Variants in PIBF1 observed in about 807,000 individuals in gnomAD.
The protein encoded by PIBF1 is progesterone immunomodulatory binding factor 1.
Under a neutral mutation model 112.5 loss-of-function variants are expected in PIBF1, and 90 were observed. That is an observed-to-expected ratio of 0.80 (90% confidence interval 0.67 to 0.95). PIBF1 has a LOEUF of 0.95. PIBF1 is among the 40% of genes least tolerant of loss of function. The pLI is 0.00. For synonymous variants in PIBF1, 301 were observed against 288.6 expected (o/e 1.04, Z -0.44); for missense variants, 915 against 852.3 (o/e 1.07, Z -0.92).
intron 14 of PIBF1, among the ~76,000 whole-genome samples, chr13:72,962,732 G>A (rs2042638975): frequency 6.6e-6 from 1 of 152,156 alleles, no homozygotes; most frequent in African/African-American, 2.4e-5. Context: ...ATTAGATTCA[G>A]TCCCTGTCAA....
chr13:72,931,603 T>G (rs2041698284), intron 14 of PIBF1, among the ~76,000 whole-genome samples: 1 of 151,576 alleles, frequency 6.6e-6, no homozygotes, highest in South Asian at 2.1e-4. Flanking sequence ...ATAGATTTGG[T>G]TTTTACCTCT....
At chr13:72,942,155 C>T (rs1399677182) in intron 14 of PIBF1, among the ~76,000 whole-genome samples, 3 of 151,768 alleles carry the variant, frequency 2.0e-5, no homozygotes, top group Non-Finnish European at 4.4e-5. Flanking sequence ...CTCACAGGAC[C>T]ACACCTCAAC....
At chr13:72,873,466 G>T (rs909783193) in intron 10 of PIBF1, among the ~76,000 whole-genome samples, 2 of 151,998 alleles carry the variant, frequency 1.3e-5, no homozygotes, top group South Asian at 2.1e-4. Flanking sequence ...CAGTGGGCAC[G>T]ATCTCTGCTC....
intron 13 of PIBF1, among the ~76,000 whole-genome samples, chr13:72,924,025 T>G (rs1388195303): frequency 6.6e-6 from 1 of 152,190 alleles, no homozygotes; most frequent in East Asian, 1.9e-4. Flanking sequence ...TTTATTGTGT[T>G]AAGGAGGCAT....
At chr13:72,983,951 GCTCTTCAAGTTAAA>G (rs1248481730) in intron 16 of PIBF1, among the ~76,000 whole-genome samples, 1 of 152,116 alleles carries the variant, frequency 6.6e-6, no homozygotes, top group African/African-American at 2.4e-5. Context: ...TCATAGTGGT[GCTCTTCAAGTTAAA>G]CTGTTTTCGA....
intron 14 of PIBF1, among the ~76,000 whole-genome samples, chr13:72,935,045 G>T (rs1031994372): frequency 1.3e-5 from 2 of 152,140 alleles, no homozygotes; most frequent in Non-Finnish European, 2.9e-5. Context: ...GAATGCAGTT[G>T]TGCAATCTTG....
chr13:72,814,648 G>A (rs1162406394), intron 5 of PIBF1, among the ~76,000 whole-genome samples: 1 of 151,620 alleles, frequency 6.6e-6, no homozygotes, highest in African/African-American at 2.4e-5. Context: ...ATAAAACAAT[G>A]AAAATGAGAA....
At chr13:72,790,510 CATAGATAGATAGATAGATAGATAGATAG>C (rs3078582) in intron 2 of PIBF1, among the ~76,000 whole-genome samples, 19 of 140,154 alleles carry the variant, frequency 1.4e-4, no homozygotes, top group South Asian at 4.8e-4. Flanking sequence ...CACACACACA[CATAGATAGATAGATAGATAGATAGATAG>C]ATAGATAGAT....
At chr13:73,010,290 G>T (rs1483630522) in intron 17 of PIBF1, among the ~76,000 whole-genome samples, 2 of 148,330 alleles carry the variant, frequency 1.3e-5, no homozygotes, top group African/African-American at 2.5e-5. Context: ...ATTACCCGTG[G>T]GTTGGGACCT....
At chr13:72,786,823 G>A (rs2034622876) in intron 2 of PIBF1, among the ~76,000 whole-genome samples, 1 of 152,024 alleles carries the variant, frequency 6.6e-6, no homozygotes, top group Admixed American at 6.6e-5. Flanking sequence ...AGACTCTTTA[G>A]GAATAAGATG....
chr13:73,010,493 C>T (rs1031438877), intron 17 of PIBF1, among the ~76,000 whole-genome samples: 6 of 151,964 alleles, frequency 3.9e-5, no homozygotes, highest in African/African-American at 1.5e-4. Context: ...GTCCCAGCTA[C>T]TCGGGAGGCT....
intron 14 of PIBF1, among the ~76,000 whole-genome samples, chr13:72,955,423 A>G (rs902559046): frequency 6.6e-6 from 1 of 151,966 alleles, no homozygotes; most frequent in African/African-American, 2.4e-5. Context: ...CCAAATGCCA[A>G]CCACCACTGA....
intron 17 of PIBF1, among the ~76,000 whole-genome samples, chr13:73,000,736 C>G (rs1486298472): frequency 1.3e-5 from 2 of 152,186 alleles, no homozygotes; most frequent in Non-Finnish European, 2.9e-5. Context: ...CCTTCTGACC[C>G]TGACCTTCTG....
At chr13:72,875,234 A>T (rs1434772297) in intron 10 of PIBF1, among the ~76,000 whole-genome samples, 1 of 152,104 alleles carries the variant, frequency 6.6e-6, no homozygotes, top group Non-Finnish European at 1.5e-5. Flanking sequence ...TCATGACTTC[A>T]TAGCTCATAT....
intron 2 of PIBF1, among the ~76,000 whole-genome samples, chr13:72,788,746 T>C (rs1053707086): frequency 3.3e-5 from 5 of 152,208 alleles, no homozygotes; most frequent in Non-Finnish European, 7.3e-5. Flanking sequence ...ATGTTGTTAC[T>C]AATAAAAACC....
chr13:72,961,071 T>C (rs1297956132), intron 14 of PIBF1, among the ~76,000 whole-genome samples: 1 of 151,858 alleles, frequency 6.6e-6, no homozygotes, highest in Non-Finnish European at 1.5e-5. Context: ...AGATTTTTTT[T>C]CCTGGGCTGT....
At chr13:72,782,522 C>G (rs1244907598) in intron 1 of PIBF1, among the ~76,000 whole-genome samples, 173 bp downstream of exon 1, 1 of 152,066 alleles carries the variant, frequency 6.6e-6, no homozygotes, top group Non-Finnish European at 1.5e-5. Context: ...TATTTCCCTT[C>G]AAAAAGAAGG....
intron 11 of PIBF1, among the ~76,000 whole-genome samples, chr13:72,904,293 C>T (rs2040602789): frequency 6.6e-6 from 1 of 151,696 alleles, no homozygotes; most frequent in African/African-American, 2.4e-5. Flanking sequence ...AATTGAAAAT[C>T]AGATATTAAA....
chr13:72,967,709 A>G (rs957550683), intron 15 of PIBF1, among the ~76,000 whole-genome samples: 3 of 152,136 alleles, frequency 2.0e-5, no homozygotes, highest in East Asian at 1.9e-4. Flanking sequence ...GGGGTGATAG[A>G]TATATCAGGG....
Sources: gnomAD v4.1 joint callset for allele counts (sites outside exome capture counted in the v4.1 genomes callset) on GRCh38, gnomAD v4.1.1 for gene constraint, MANE v1.5 for transcripts, NCBI Gene and HGNC (gene_info 2026-07-23, HGNC 2026-07-21) for gene names.